Variants in TRPS1 observed in about 807,000 individuals in gnomAD.
TRPS1 encodes transcriptional repressor GATA binding 1.
In TRPS1, 6 loss-of-function variants were observed where a neutral mutation model predicts 101.2. The ratio of observed to expected loss-of-function variants is 0.06; its 90% CI spans 0.03 to 0.12. TRPS1 has a LOEUF of 0.12. Among genes scored for constraint, TRPS1 ranks in the 10% least tolerant of loss-of-function variants. TRPS1 has a pLI of 1.00. For synonymous variants in TRPS1, 578 were observed against 589.8 expected (o/e 0.98, Z 0.29); for missense variants, 1,363 against 1,567.0 (o/e 0.87, Z 2.20).
At chr8:115,643,332 C>T (rs1818946176) in intron 1 of TRPS1, among the ~76,000 whole-genome samples, 1 of 152,168 alleles carries the variant, frequency 6.6e-6, no homozygotes, top group Non-Finnish European at 1.5e-5. Flanking sequence ...CACGCTAGAA[C>T]TTCTTTCAAA....
intron 5 of TRPS1, among the ~76,000 whole-genome samples, chr8:115,486,169 T>G (rs1054321344): frequency 6.6e-6 from 1 of 152,184 alleles, no homozygotes; most frequent in African/African-American, 2.4e-5. Context: ...ATTCCGAACT[T>G]TTTCATTATT....
chr8:115,436,256 C>A (rs1391496772), intron 5 of TRPS1, among the ~76,000 whole-genome samples: 1 of 152,096 alleles, frequency 6.6e-6, no homozygotes, highest in East Asian at 1.9e-4. Flanking sequence ...TCAAGTGATA[C>A]CCTGAGAGCA....
intron 5 of TRPS1, among the ~76,000 whole-genome samples, chr8:115,515,771 A>G (rs1438510749): frequency 6.6e-6 from 1 of 151,484 alleles, no homozygotes; most frequent in Non-Finnish European, 1.5e-5. Flanking sequence ...TCAGTGAAAT[A>G]TCATGTAAAA....
chr8:115,414,805 C>T lies in TRPS1; in HGVS notation c.3103G>A (p.Val1035Ile). Reference sequence around the variant, plus strand: ...TTGTGAATATCCAGAGTTTGGCTGACCAGGACTGGCTGCTGAGCAGAATGG... The same window carrying T: ...TTGTGAATATCCAGAGTTTGGCTGATCAGGACTGGCTGCTGAGCAGAATGG... ...KSHSAQQPVL[V>I]SQTLDIHKRM... The change falls in exon 7 of 7, where the codon GTC becomes ATC. Residue 1035 changes from valine (V) to isoleucine (I), a missense_variant. Coordinates refer to ENST00000395715, the MANE Select transcript of TRPS1 (RefSeq NM_014112.5). The surrounding 1 kb of genome is among the most constrained non-coding windows in gnomAD (Gnocchi z 4.8). The T allele has an allele frequency of 6.2e-7, 1 of 1,613,988 alleles. No individual in the cohort carries two copies. Among genetic ancestry groups the T allele is most frequent in the Non-Finnish European group, 8.5e-7 (1 of 1,179,940 alleles).
intron 5 of TRPS1, among the ~76,000 whole-genome samples, chr8:115,502,233 T>G (rs992684078): frequency 1.3e-5 from 2 of 151,904 alleles, no homozygotes; most frequent in African/African-American, 4.8e-5. Flanking sequence ...CTTCTCTGAG[T>G]TACAGTTTTG....
chr8:115,623,548 G>A (rs1586468848), intron 2 of TRPS1, 53 bp downstream of exon 2: 2 of 1,593,110 alleles, frequency 1.3e-6, no homozygotes, highest in Non-Finnish European at 1.7e-6. Flanking sequence ...GTTTTACTGT[G>A]TGCCAAGAAC....
intron 5 of TRPS1, among the ~76,000 whole-genome samples, chr8:115,502,927 C>T (rs554208323): frequency 1.6e-4 from 25 of 152,228 alleles, no homozygotes; most frequent in Non-Finnish European, 2.6e-4. Context: ...CTGATAAGCC[C>T]TACTTGATGG....
intron 5 of TRPS1, among the ~76,000 whole-genome samples, chr8:115,451,756 C>T (rs1813878507): frequency 6.6e-6 from 1 of 152,302 alleles, no homozygotes; most frequent in Non-Finnish European, 1.5e-5. Flanking sequence ...TTTCACCTCA[C>T]CATTTTGTTA....
chr8:115,536,671 G>A lies in TRPS1; in HGVS notation c.2700+50330C>T, dbSNP rs1403354270. 4.0e-5 allele frequency among the ~76,000 whole-genome samples: 6 copies of A among 151,818 alleles called. No homozygotes were observed. In the East Asian group the frequency reaches 1.2e-3, roughly 29 times the overall value. On this transcript the variant is annotated intron_variant, in intron 5 of 6. Coordinates refer to ENST00000395715, the MANE Select transcript of TRPS1 (RefSeq NM_014112.5). ...TATAAAAGGTACCATAAATCCAGTTGGCAAATTTGCCAACCTGTTCACTAT... is the reference window on the plus strand; with the variant it reads ...TATAAAAGGTACCATAAATCCAGTTAGCAAATTTGCCAACCTGTTCACTAT...
At chr8:115,612,593 T>C (rs1818195393) in intron 3 of TRPS1, among the ~76,000 whole-genome samples, 1 of 152,156 alleles carries the variant, frequency 6.6e-6, no homozygotes, top group Non-Finnish European at 1.5e-5. Flanking sequence ...AAGGTGGAGC[T>C]TCCCATCAGC....
intron 5 of TRPS1, among the ~76,000 whole-genome samples, chr8:115,527,956 T>TAA (rs1816040574): frequency 2.6e-5 from 4 of 152,100 alleles, no homozygotes; most frequent in Admixed American, 2.6e-4. Flanking sequence ...TCCAGCCATC[T>TAA]TAGATTTCAA....
intron 5 of TRPS1, among the ~76,000 whole-genome samples, chr8:115,503,136 C>T (rs2625670): frequency 1 from 151,555 of 151,564 alleles, 75,773 homozygotes; most frequent in Middle Eastern, 1. Context: ...CGCTTGTATT[C>T]CCAGCTACTT....
chr8:115,413,839 A>T lies in TRPS1; in HGVS notation c.*184T>A. On this transcript the variant is annotated 3_prime_UTR_variant, in exon 7 of 7. Transcript: ENST00000395715. ...TTCCATTCTTTCTCATTGACCATTT[A>T]TCTCACTTTTTAATCTTGGTAACCT... 1.6e-6 allele frequency: 1 copy of T among 625,712 alleles called. No individual in the cohort carries two copies. Among genetic ancestry groups the T allele is most frequent in the Non-Finnish European group, 2.7e-6 (1 of 367,658 alleles). 38.8% of individuals were successfully genotyped at this position (625,712 alleles called of 1,614,324 possible).
chr8:115,619,906 A>G lies in TRPS1; in HGVS notation c.192T>C (p.Ala64=). 1 of 1,614,196 alleles carries G rather than the reference A, an allele frequency of 6.2e-7. No homozygotes were observed. The highest frequency in any genetic ancestry group is 8.5e-7 in the Non-Finnish European group (1 of 1,180,028). Residue 64 remains alanine (A), a synonymous_variant, in exon 3 of 7, where the codon GCT becomes GCC. Transcript: ENST00000395715. ...QMSENTDQSD[A]AELNHKEEHS... ...GTTCCTCCTTATGATTTAGTTCTGC[A>G]GCATCACTCTGATCCGTATTTTCTG... is the stretch of plus-strand genomic sequence containing the variant.
intron 5 of TRPS1, among the ~76,000 whole-genome samples, chr8:115,580,386 A>G (rs1817417551): frequency 6.6e-6 from 1 of 152,022 alleles, no homozygotes; most frequent in Non-Finnish European, 1.5e-5. Flanking sequence ...GACCCATCAG[A>G]CTGGGCTCTG....
At chr8:115,498,415 C>CTCTCTCTCTCTCTATA (rs1486361297) in intron 5 of TRPS1, among the ~76,000 whole-genome samples, 4 of 39,318 alleles carry the variant, frequency 1.0e-4, no homozygotes, top group African/African-American at 2.2e-4. Context: ...CTCTCTCTCT[C>CTCTCTCTCTCTCTATA]TATATATATA....
At chr8:115,508,434 C>T (rs564205179) in intron 5 of TRPS1, among the ~76,000 whole-genome samples, 6 of 152,138 alleles carry the variant, frequency 3.9e-5, no homozygotes, top group East Asian at 1.9e-4. Context: ...TGTCCTCAGC[C>T]GAGGAAACGA....
At chr8:115,633,140 G>A (rs548706329) in intron 1 of TRPS1, among the ~76,000 whole-genome samples, 6 of 152,164 alleles carry the variant, frequency 3.9e-5, no homozygotes, top group Admixed American at 2.6e-4. Context: ...TGAATTGTAC[G>A]GGAGAAAGGG....
At chr8:115,543,182 T>C (rs753026397) in intron 5 of TRPS1, among the ~76,000 whole-genome samples, 6 of 152,170 alleles carry the variant, frequency 3.9e-5, no homozygotes, top group Non-Finnish European at 8.8e-5. Flanking sequence ...TCGCTGTTGT[T>C]ATCCTCACTA....
Sources: allele counts gnomAD v4.1 joint callset (sites outside exome capture counted in the v4.1 genomes callset), GRCh38; gene constraint gnomAD v4.1.1; non-coding constraint Gnocchi (gnomAD v3.1); transcripts MANE v1.5; gene names NCBI Gene and HGNC (gene_info 2026-07-23, HGNC 2026-07-21).